The following SLC8A1 variants were observed in gnomAD, a reference collection of about 807,000 sequenced individuals.
SLC8A1 encodes the protein solute carrier family 8 member A1, also known as sodium/calcium exchanger 1.
Under a neutral mutation model 68.3 loss-of-function variants are expected in SLC8A1, and 18 were observed. The ratio of observed to expected loss-of-function variants is 0.26; its 90% CI spans 0.18 to 0.39. The LOEUF (loss-of-function observed/expected upper bound fraction) is 0.39. Among genes scored for constraint, SLC8A1 ranks in the 10% least tolerant of loss-of-function variants. The probability of loss-of-function intolerance (pLI) is 1.00; values close to 1 mark genes in which losing one functional copy is unlikely to be tolerated. For missense variants in SLC8A1, 985 were observed against 1,156.7 expected, an observed-to-expected ratio of 0.85 and a Z score of 2.15; for synonymous variants, 475 against 415.5, an observed-to-expected ratio of 1.14 and a Z score of -1.74.
chr2:40,370,345 C>T (rs1217869145), intron 2 of SLC8A1, among the ~76,000 whole-genome samples: 1 of 152,086 alleles, frequency 6.6e-6, no homozygotes, highest in South Asian at 2.1e-4. Context: ...TCCAACTTTT[C>T]TTCCAGCACC....
chr2:40,383,827 T>A lies in SLC8A1; in HGVS notation c.1808+44646A>T, dbSNP rs530180755. 6.0e-4 allele frequency among the ~76,000 whole-genome samples: 92 copies of A among 152,234 alleles called. 1 individual carries two copies. The highest frequency in any genetic ancestry group is 1.4e-3 in the South Asian group (7 of 4,832). ...ACGTGTGATAGGGAAATTGTCATAA[T>A]TAATAGCATCTGTAAACATTATCCT... On this transcript the variant is annotated intron_variant, in intron 2 of 7. Transcript: ENST00000406785.
chr2:40,375,939 T>C (rs1679716686), intron 2 of SLC8A1, among the ~76,000 whole-genome samples: 1 of 152,032 alleles, frequency 6.6e-6, no homozygotes, highest in Middle Eastern at 3.2e-3. Flanking sequence ...AGGCAGAGGC[T>C]ACAGTGAGCT....
At position 40,100,904 on chromosome 2, in the gene SLC8A1, G is replaced by A. The variant is rs1355959271; in HGVS notation, c.*14349C>T. The A allele has an allele frequency of 3.3e-5, 5 of 152,130 alleles. No individual in the cohort carries two copies. The South Asian group carries it at 6.2e-4, about 19-fold the overall frequency. 9.4% of individuals were successfully genotyped at this position (152,130 alleles called of 1,614,324 possible). A position where few individuals can be genotyped will look rare whatever the true frequency, so the allele number is the denominator to read the frequency against. ...TGGTTTCTCCTAAGGGAGGCCTGGAGTGACAGTTACAACATTTTTCTCCAG... is the reference window on the plus strand; with the variant it reads ...TGGTTTCTCCTAAGGGAGGCCTGGAATGACAGTTACAACATTTTTCTCCAG... On this transcript the variant is annotated 3_prime_UTR_variant, in exon 8 of 8. Transcript: ENST00000406785.
chr2:40,431,844 A>G (rs981968024), intron 1 of SLC8A1, among the ~76,000 whole-genome samples: 3 of 152,088 alleles, frequency 2.0e-5, no homozygotes, highest in African/African-American at 7.2e-5. Flanking sequence ...AGTGCCCAGG[A>G]GAACACCGCT....
chr2:40,186,129 T>C (rs1248206754), intron 2 of SLC8A1, among the ~76,000 whole-genome samples: 1 of 152,180 alleles, frequency 6.6e-6, no homozygotes, highest in Non-Finnish European at 1.5e-5. Flanking sequence ...TAAGGTATTA[T>C]GAAAATGTCA....
exon 8 of SLC8A1, chr2:40,102,343 A>G (rs1238560724): frequency 6.8e-6 from 1 of 148,048 alleles, no homozygotes; most frequent in Non-Finnish European, 1.5e-5. Flanking sequence ...TTGAATGAAC[A>G]CAAGGGTTTG....
chr2:40,112,179 A>G (rs1043784270), exon 8 of SLC8A1: 1 of 152,714 alleles, frequency 6.5e-6, no homozygotes, highest in Admixed American at 6.5e-5. Context: ...CAAAACATGA[A>G]AACAAAAAAT....
intron 7 of SLC8A1, among the ~76,000 whole-genome samples, chr2:40,136,203 G>A (rs1367119951): frequency 6.6e-6 from 1 of 152,098 alleles, no homozygotes; most frequent in African/African-American, 2.4e-5. Flanking sequence ...TTGGGAAGAG[G>A]AGGCCCTTTC....
chr2:40,367,869 C>G (rs113885542), intron 2 of SLC8A1, among the ~76,000 whole-genome samples: 4,195 of 152,164 alleles, frequency 0.028, 80 homozygotes, highest in Non-Finnish European at 0.041. Flanking sequence ...CACAACCCCC[C>G]ACATCTTGTT....
intron 2 of SLC8A1, among the ~76,000 whole-genome samples, chr2:40,256,500 G>T (rs366578): frequency 0.14 from 21,768 of 152,174 alleles, 1,960 homozygotes; most frequent in African/African-American, 0.24. Context: ...CATAATGGGA[G>T]TGATTCTATC....
chr2:40,299,163 C>T (rs2149260037), intron 2 of SLC8A1, among the ~76,000 whole-genome samples: 1 of 152,248 alleles, frequency 6.6e-6, no homozygotes, highest in East Asian at 1.9e-4. Context: ...GTGGCAGAGC[C>T]ATGTGAGGCT....
At chr2:40,293,747 C>G (rs189697596) in intron 2 of SLC8A1, among the ~76,000 whole-genome samples, 3 of 152,134 alleles carry the variant, frequency 2.0e-5, no homozygotes, top group Non-Finnish European at 2.9e-5. Context: ...TTGCTAGTGA[C>G]TATTCTACTG....
intron 2 of SLC8A1, among the ~76,000 whole-genome samples, chr2:40,191,870 C>A (rs561980533): frequency 6.6e-6 from 1 of 152,094 alleles, no homozygotes; most frequent in Non-Finnish European, 1.5e-5. Context: ...TATAGGGAAA[C>A]GTTGTTTTGA....
At chr2:40,462,380 G>C (rs1224681842) in intron 1 of SLC8A1, among the ~76,000 whole-genome samples, 1 of 151,530 alleles carries the variant, frequency 6.6e-6, no homozygotes, top group Non-Finnish European at 1.5e-5. Flanking sequence ...ATAAATTTAA[G>C]TAAACTTATT....
At chr2:40,149,751 A>G (rs2043078697) in intron 6 of SLC8A1, among the ~76,000 whole-genome samples, 1 of 152,144 alleles carries the variant, frequency 6.6e-6, no homozygotes, top group Admixed American at 6.5e-5. Flanking sequence ...TGTGGATATA[A>G]AACAACTATT....
At chr2:40,261,140 G>C (rs932033187) in intron 2 of SLC8A1, among the ~76,000 whole-genome samples, 2 of 152,148 alleles carry the variant, frequency 1.3e-5, no homozygotes, top group Non-Finnish European at 2.9e-5. Context: ...GTAGTAGAAA[G>C]GCAGGTCATT....
rs1163766503 is a variant in SLC8A1 at position 40,402,463 on chromosome 2, CT to C, written c.1808+26009del. 7.2e-5 allele frequency among the ~76,000 whole-genome samples: 11 copies of C among 152,296 alleles called. No individual in the cohort carries two copies. The East Asian group carries it at 2.1e-3, about 29-fold the overall frequency. ...GAGTAGCCATTCTTTTATTCCTTTA[CT>C]TTCTTAATAAACTTGCTTTCACTTT... On this transcript the variant is annotated intron_variant, in intron 2 of 7. Transcript: ENST00000406785.
intron 2 of SLC8A1, among the ~76,000 whole-genome samples, chr2:40,381,713 T>G (rs12611557): frequency 0.31 from 46,738 of 151,104 alleles, 10,195 homozygotes; most frequent in African/African-American, 0.63. Flanking sequence ...AAAGTTACAT[T>G]TGTCTTATCT....
chr2:40,323,898 A>C (rs780216000), intron 2 of SLC8A1, among the ~76,000 whole-genome samples: 1 of 152,158 alleles, frequency 6.6e-6, no homozygotes, highest in Non-Finnish European at 1.5e-5. Context: ...TCAGGAGTTT[A>C]ATTGTAAAAA....
Sources: gnomAD v4.1 joint callset for allele counts (sites outside exome capture counted in the v4.1 genomes callset) on GRCh38, gnomAD v4.1.1 for gene constraint, MANE v1.5 for transcripts, NCBI Gene and HGNC (gene_info 2026-07-23, HGNC 2026-07-21) for gene names.